ADAMTS13: variants seen among roughly 807,000 people sequenced by gnomAD.
ADAMTS13 encodes A disintegrin and metalloproteinase with thrombospondin motifs 13.
In ADAMTS13, 110 loss-of-function variants were observed where a neutral mutation model predicts 155.1. That is an observed-to-expected ratio of 0.71 (90% confidence interval 0.61 to 0.83). The LOEUF is 0.83. Ranked by LOEUF, ADAMTS13 falls within the 40% of genes least tolerant of loss-of-function variation. The pLI, the probability that ADAMTS13 is intolerant of heterozygous loss-of-function variation, is 0.00. For missense variants in ADAMTS13, 1,707 were observed against 1,891.7 expected (o/e 0.90, Z 1.81); for synonymous variants, 758 against 756.4 (o/e 1.00, Z -0.03).
In ADAMTS13 at chr9:133,425,618, C is replaced by A. The variant is rs1840229274; in HGVS notation, c.414+6C>A. The A allele has an allele frequency of 6.2e-7, 1 of 1,612,912 alleles. No individual in the cohort carries two copies. Among genetic ancestry groups the A allele is most frequent in the Non-Finnish European group, 8.5e-7 (1 of 1,179,740 alleles). Reference sequence around the variant, plus strand: ...TCATTCTGACAGAGCCTGAGGTAGGCATGGAGCTGGAACTCAGCACACCAT... The same window carrying A: ...TCATTCTGACAGAGCCTGAGGTAGGAATGGAGCTGGAACTCAGCACACCAT... On this transcript the variant is annotated splice_donor_region_variant and intron_variant, in intron 4 of 28. Coordinates refer to ENST00000355699, the MANE Select transcript of ADAMTS13 (RefSeq NM_139027.6). This position sits in a 1 kb window ranked among gnomAD's most constrained non-coding sequence, Gnocchi z 4.6.
rs1840865640 is a variant in ADAMTS13, at chr9:133,432,765, T to C, written c.1092+73T>C. The C allele has an allele frequency of 2.1e-6, 3 of 1,424,616 alleles. No individual in the cohort carries two copies. In the Admixed American group the frequency reaches 5.9e-5, roughly 28 times the overall value. The allele number at this position is 1,424,616 out of a possible 1,614,324, so 88.2% of individuals were successfully genotyped here. A position where few individuals can be genotyped will look rare whatever the true frequency, so the allele number is the denominator to read the frequency against. ...GGGTGCCTCCAGCCAGGCCGCCCTA[T>C]TCCTAGGTCAGGAGGCAGGACCAGT... On this transcript the variant is annotated intron_variant, in intron 9 of 28. Transcript: ENST00000355699.
intron 1 of ADAMTS13, among the ~76,000 whole-genome samples, chr9:133,416,177 G>A (rs1486300223): frequency 6.6e-5 from 10 of 152,106 alleles, no homozygotes; most frequent in Admixed American, 6.5e-4. Flanking sequence ...GAGCAGGTGT[G>A]TTGCGTGGTG....
Position 133,432,610 on chromosome 9 carries a change from G to A in ADAMTS13, c.1010G>A (p.Cys337Tyr). 1 of 1,555,090 alleles carries A rather than the reference G, an allele frequency of 6.4e-7. No individual in the cohort carries two copies. The highest frequency in any genetic ancestry group is 8.7e-7 in the Non-Finnish European group (1 of 1,148,978). ...EHLDMCQALS[C>Y]HTDPLDQSSC... ...TAGGATATGTGCCAGGCCCTCTCCTGCCACACAGACCCGCTGGACCAAAGC... is the reference window on the plus strand; with the variant it reads ...TAGGATATGTGCCAGGCCCTCTCCTACCACACAGACCCGCTGGACCAAAGC... Residue 337 changes from cysteine (C) to tyrosine (Y), a missense_variant, in exon 9 of 29, where the codon TGC (cysteine) becomes TAC (tyrosine). Cys to Tyr is a radical substitution (Grantham distance 194). Transcript: ENST00000355699.
chr9:133,448,501 A>C (rs1449850129), intron 21 of ADAMTS13, 98 bp from the exon 22 acceptor site: 1 of 1,535,292 alleles, frequency 6.5e-7, no homozygotes, highest in Non-Finnish European at 8.9e-7. Flanking sequence ...ATTGAAACCC[A>C]TGCGGGCCTT....
chr9:133,442,440 C>G lies in ADAMTS13; in HGVS notation c.2010C>G (p.Arg670=). 6.2e-7 allele frequency: 1 copy of G among 1,613,926 alleles called. No individual in the cohort carries two copies. The highest frequency in any genetic ancestry group is 2.2e-5 in the East Asian group (1 of 44,890). Residue 670 remains arginine, a synonymous_variant, in exon 17 of 29, where the codon CGC becomes CGG. Coordinates refer to ENST00000355699, the MANE Select transcript of ADAMTS13 (RefSeq NM_139027.6). ...RYGEEYGNLT[R]PDITFTYFQP... ...GCGAGGAGTATGGCAACCTCACCCGCCCAGACATCACCTTCACCTACTTCC... is the reference window on the plus strand; with the variant it reads ...GCGAGGAGTATGGCAACCTCACCCGGCCAGACATCACCTTCACCTACTTCC...
chr9:133,417,807 G>C (rs148117957), upstream of ADAMTS13: 56 of 1,606,570 alleles, frequency 3.5e-5, no homozygotes, highest in African/African-American at 6.8e-4. Flanking sequence ...GGGGCTGCTC[G>C]GGGCGCGCTT....
At position 133,444,958 on chromosome 9, in the gene ADAMTS13, A is replaced by C; in HGVS notation, c.2516A>C (p.Glu839Ala). ...ETCVPGADGL[E>A]APVTEGPGSV... ...TGTGTGCCAGGGGCAGATGGCCTGG[A>C]GGCTCCAGTGACTGAGGGGCCTGGC... The change falls in exon 20 of 29, where the codon GAG (glutamate) becomes GCG (alanine). Residue 839 changes from glutamate (E) to alanine (A), a missense_variant. Around this residue, in one of 3 missense-constraint regions of ADAMTS13, gnomAD observed 961 missense variants for 1,107.9 expected, o/e 0.87. Coordinates refer to ENST00000355699, the MANE Select transcript of ADAMTS13 (RefSeq NM_139027.6). 6.2e-7 allele frequency: 1 copy of C among 1,613,428 alleles called. No individual in the cohort carries two copies. Among genetic ancestry groups the C allele is most frequent in the Non-Finnish European group, 8.5e-7 (1 of 1,180,016 alleles).
chr9:133,458,792 T>A (rs1164449183), intron 28 of ADAMTS13, among the ~76,000 whole-genome samples, 182 bp from the exon 29 acceptor site: 1 of 152,196 alleles, frequency 6.6e-6, no homozygotes, highest in Admixed American at 6.5e-5. Context: ...CTGTGTGTCC[T>A]TGGGGAAGTG....
chr9:133,459,265 A>C lies in ADAMTS13; in HGVS notation c.*85A>C. ...GTGCTTTCCAATTCGAACTTTTTCC[A>C]ATCTTAGGTATCTACTTTAGAGTCT... On this transcript the variant is annotated 3_prime_UTR_variant, in exon 29 of 29. Transcript: ENST00000355699. 7.6e-7 allele frequency: 1 copy of C among 1,321,300 alleles called. No individual in the cohort carries two copies. The highest frequency in any genetic ancestry group is 1.1e-6 in the Non-Finnish European group (1 of 941,478). 81.8% of individuals were successfully genotyped at this position (1,321,300 alleles called of 1,614,324 possible).
In ADAMTS13 at chr9:133,424,511, C is replaced by T. The variant is rs782400931; in HGVS notation, c.330+33C>T. The T allele has an allele frequency of 6.3e-7, 1 of 1,595,028 alleles. No homozygotes were observed. Among genetic ancestry groups the T allele is most frequent in the Non-Finnish European group, 8.5e-7 (1 of 1,171,090 alleles). On this transcript the variant is annotated intron_variant, in intron 3 of 28. Transcript: ENST00000355699. This position sits in a 1 kb window ranked among gnomAD's most constrained non-coding sequence, Gnocchi z 4.3. ...CCCCACGCTGGACTGTGCAGGTCCC[C>T]ACGGCCAGGGCTGGTGACCAATGTC...
At chr9:133,416,266 G>A (rs781828307) in intron 1 of ADAMTS13, among the ~76,000 whole-genome samples, 24 of 152,166 alleles carry the variant, frequency 1.6e-4, no homozygotes, top group South Asian at 2.1e-4. Context: ...GAACTTACTC[G>A]TTACTGAGGG....
Position 133,455,459 on chromosome 9 carries a change from G to A in ADAMTS13, c.3400+24G>A, listed in dbSNP as rs587709422. 1.9e-5 allele frequency: 30 copies of A among 1,612,484 alleles called. No individual in the cohort carries two copies. The highest frequency in any genetic ancestry group is 1.5e-4 in the African/African-American group (11 of 75,058). On this transcript the variant is annotated intron_variant, in intron 25 of 28. Transcript: ENST00000355699. ...GGGTACGCCCAGCCTGGTGCCCCAC[G>A]AAGAAGCCGCTGCTCCAGGACGGAC...
chr9:133,436,380 G>T (rs1271392974), intron 11 of ADAMTS13, among the ~76,000 whole-genome samples: 4 of 151,888 alleles, frequency 2.6e-5, no homozygotes, highest in Non-Finnish European at 2.9e-5. Flanking sequence ...GGTCAGTGTG[G>T]CTGTCCAGGG....
chr9:133,437,688 G>C, intron 12 of ADAMTS13, 61 bp from the exon 13 acceptor site: 1 of 1,607,126 alleles, frequency 6.2e-7, no homozygotes, highest in Non-Finnish European at 8.5e-7. Flanking sequence ...GCTGGGTGGG[G>C]GCTGGGGGAC....
At position 133,458,108 on chromosome 9, in the gene ADAMTS13, T is replaced by C; in HGVS notation, c.3909+14T>C. ...AGCTACATCTTGGTGAGGCCCAGCA[T>C]GGGGACTTGTGCTGTGATTCTGGAC... On this transcript the variant is annotated intron_variant, in intron 28 of 28. Coordinates refer to ENST00000355699, the MANE Select transcript of ADAMTS13 (RefSeq NM_139027.6). 1 of 1,612,214 alleles carries C rather than the reference T, an allele frequency of 6.2e-7. No homozygotes were observed. Among genetic ancestry groups the C allele is most frequent in the South Asian group, 1.1e-5 (1 of 90,936 alleles).
At position 133,437,794 on chromosome 9, in the gene ADAMTS13, T is replaced by C; in HGVS notation, c.1481T>C (p.Phe494Ser). 1 of 1,613,964 alleles carries C rather than the reference T, an allele frequency of 6.2e-7. No individual in the cohort carries two copies. The highest frequency in any genetic ancestry group is 8.5e-7 in the Non-Finnish European group (1 of 1,180,032). ...ATGTGCCGGGCCATTGGCGAGAGCTTCATCATGAAGCGTGGAGACAGCTTC... is the reference window on the plus strand; with the variant it reads ...ATGTGCCGGGCCATTGGCGAGAGCTCCATCATGAAGCGTGGAGACAGCTTC... ...RHMCRAIGES[F>S]IMKRGDSFLD... is the part of the protein sequence containing the mutation. Residue 494 changes from phenylalanine to serine, a missense_variant, in exon 13 of 29, where the codon TTC (phenylalanine) becomes TCC (serine). Phe to Ser is a radical substitution (Grantham distance 155). Around this residue, in one of 3 missense-constraint regions of ADAMTS13, gnomAD observed 733 missense variants for 749.6 expected, o/e 0.98. Coordinates refer to ENST00000355699, the MANE Select transcript of ADAMTS13 (RefSeq NM_139027.6).
chr9:133,422,738 C>T lies in ADAMTS13; in HGVS notation c.105+190C>T, dbSNP rs775996732. On this transcript the variant is annotated intron_variant, in intron 1 of 28. Coordinates refer to ENST00000355699, the MANE Select transcript of ADAMTS13 (RefSeq NM_139027.6). ...TGAAGAGGGAGTTGGTGTCTCAGTACGACCTGCTCATTCGGTGAAGCTGAA... is the reference window on the plus strand; with the variant it reads ...TGAAGAGGGAGTTGGTGTCTCAGTATGACCTGCTCATTCGGTGAAGCTGAA... 7.2e-5 allele frequency among the ~76,000 whole-genome samples: 11 copies of T among 152,104 alleles called. 1 individual carries two copies. The Middle Eastern group carries it at 0.014, about 188-fold the overall frequency.
At chr9:133,455,462 G>A (rs782504511) in intron 25 of ADAMTS13, 27 bp downstream of exon 25, 6 of 1,612,354 alleles carry the variant, frequency 3.7e-6, no homozygotes, top group Non-Finnish European at 4.2e-6. Flanking sequence ...GCCCCACGAA[G>A]AAGCCGCTGC....
At chr9:133,429,770 C>T in intron 7 of ADAMTS13, 169 bp from the exon 8 acceptor site, 1 of 936,450 alleles carries the variant, frequency 1.1e-6, no homozygotes, top group South Asian at 1.4e-5. Flanking sequence ...TAGTCTTGGT[C>T]CCAGCCAAGA....
Sources: allele counts gnomAD v4.1 joint callset (sites outside exome capture counted in the v4.1 genomes callset), GRCh38; gene constraint gnomAD v4.1.1; regional missense constraint gnomAD v4.1.1; non-coding constraint Gnocchi (gnomAD v3.1); transcripts MANE v1.5; gene names NCBI Gene and HGNC (gene_info 2026-07-23, HGNC 2026-07-21).